The following ADAM17 variants were observed in gnomAD, a reference collection of about 807,000 sequenced individuals.
ADAM17 encodes ADAM metallopeptidase domain 17.
In ADAM17, 39 loss-of-function variants were observed where a neutral mutation model predicts 96.7. That is an observed-to-expected ratio of 0.40 (90% CI 0.31 to 0.53). The LOEUF is 0.53. Ranked by LOEUF, ADAM17 falls within the 20% of genes least tolerant of loss-of-function variation. ADAM17 has a pLI of 0.44. For synonymous variants in ADAM17, 344 were observed against 359.2 expected (o/e 0.96, Z 0.48); for missense variants, 777 against 1,013.2 (o/e 0.77, Z 3.17).
At chr2:9,546,669 C>G (rs1572960767) in intron 1 of ADAM17, among the ~76,000 whole-genome samples, 1 of 151,722 alleles carries the variant, frequency 6.6e-6, no homozygotes, top group East Asian at 1.9e-4. Flanking sequence ...CAGTTAATAC[C>G]AGACACTGCC....
At chr2:9,513,184 G>A (rs879694822) in intron 10 of ADAM17, among the ~76,000 whole-genome samples, 54 of 151,992 alleles carry the variant, frequency 3.6e-4, no homozygotes, top group African/African-American at 1.1e-3. Context: ...TAGTAGAGAC[G>A]AGGTTTCACC....
Position 9,494,695 on chromosome 2 carries a change from T to G in ADAM17, c.1856A>C (p.Gln619Pro), listed in dbSNP as rs1399068872. 4 of 1,614,074 alleles carry G rather than the reference T, an allele frequency of 2.5e-6. No individual in the cohort carries two copies. The highest frequency in any genetic ancestry group is 1.3e-5 in the African/African-American group (1 of 74,934). The change falls in exon 15 of 19, where the codon CAA becomes CCA. Residue 619 changes from glutamine to proline, a missense_variant. Gln to Pro is a moderately conservative substitution (Grantham distance 76). This residue lies in a region of ADAM17 where 446 missense variants were observed against 664.7 expected (regional missense o/e 0.67). Transcript: ENST00000310823. ...GRCVPYVDAE[Q>P]KNLFLRKGKP... ...TCCTTTCCTCAAAAATAAGTTCTTT[T>G]GTTCAGCATCGACATAGGGCACACA...
chr2:9,554,608 A>T (rs533966070), intron 1 of ADAM17, among the ~76,000 whole-genome samples: 1 of 152,350 alleles, frequency 6.6e-6, no homozygotes, highest in East Asian at 1.9e-4. Context: ...CACACTGGGA[A>T]AACATTATTT....
rs143491520 is a variant in ADAM17 at position 9,533,396 on chromosome 2, A to C, written c.450+2438T>G. Among the ~76,000 whole-genome samples, 150 of 151,642 alleles carry C rather than the reference A, an allele frequency of 9.9e-4. 1 individual carries two copies. The East Asian group carries it at 0.026, about 26-fold the overall frequency. On this transcript the variant is annotated intron_variant, in intron 4 of 18. Coordinates refer to ENST00000310823, the MANE Select transcript of ADAM17 (RefSeq NM_003183.6). Reference sequence around the variant, plus strand: ...ACCCTGTCTCTACCAAAAATACAAAAATTAGCTGGGTGTGGTGGTGCGCAC... The same window carrying C: ...ACCCTGTCTCTACCAAAAATACAAACATTAGCTGGGTGTGGTGGTGCGCAC...
intron 11 of ADAM17, among the ~76,000 whole-genome samples, chr2:9,506,254 G>GT (rs1433085987): frequency 1.3e-5 from 2 of 150,904 alleles, no homozygotes. Flanking sequence ...AAAGGTGCCT[G>GT]TAACCACCAA....
intron 2 of ADAM17, among the ~76,000 whole-genome samples, chr2:9,537,716 G>A (rs1408772149): frequency 4.7e-5 from 7 of 150,512 alleles, no homozygotes; most frequent in African/African-American, 1.5e-4. Context: ...CGAGACTCCC[G>A]CTCAAAATAA....
intron 4 of ADAM17, among the ~76,000 whole-genome samples, chr2:9,532,165 A>C (rs1664771190): frequency 6.6e-6 from 1 of 152,236 alleles, no homozygotes; most frequent in Non-Finnish European, 1.5e-5. Flanking sequence ...TTTCCTGCTC[A>C]CTTATATTCC....
intron 10 of ADAM17, 69 bp downstream of exon 10, chr2:9,517,832 A>C: frequency 9.5e-7 from 1 of 1,049,518 alleles, no homozygotes; most frequent in Non-Finnish European, 1.3e-6. Context: ...AAATACCTAC[A>C]TAAATATATA....
intron 3 of ADAM17, 83 bp downstream of exon 3, chr2:9,536,615 A>T: frequency 1.3e-6 from 2 of 1,571,142 alleles, no homozygotes; most frequent in Non-Finnish European, 1.7e-6. Context: ...ACTATCCTGC[A>T]CCAGAAAAGA....
intron 3 of ADAM17, 99 bp from the exon 4 acceptor site, chr2:9,536,021 G>T: frequency 1.4e-6 from 1 of 731,826 alleles, no homozygotes; most frequent in Non-Finnish European, 2.0e-6. Context: ...GGTGGAATTT[G>T]CCTAGTACTG....
Position 9,509,990 on chromosome 2 carries a change from C to A in ADAM17, c.1333G>T (p.Glu445Ter). 6.2e-7 allele frequency: 1 copy of A among 1,613,998 alleles called. No homozygotes were observed. Among genetic ancestry groups the A allele is most frequent in the South Asian group, 1.1e-5 (1 of 91,058 alleles). ...MYPIAVSGDH[E>*]NNKMFSNCSK... ...CGACACACACATACCTTATTGTTCT[C>A]GTGATCGCCACTCACAGCTATGGGA... The change falls in exon 11 of 19, where the codon GAG becomes TAG. Residue 445 changes from glutamate to a stop codon, truncating the protein, a stop_gained. Transcript: ENST00000310823. LOFTEE classifies it high-confidence loss of function.
intron 5 of ADAM17, 45 bp from the exon 6 acceptor site, chr2:9,526,289 CA>C: frequency 6.3e-7 from 1 of 1,582,698 alleles, no homozygotes; most frequent in South Asian, 1.1e-5. Context: ...TTCACCAAAA[CA>C]AGGAGTTTTA....
intron 14 of ADAM17, among the ~76,000 whole-genome samples, chr2:9,495,259 C>T (rs940827654): frequency 4.6e-5 from 7 of 152,232 alleles, no homozygotes; most frequent in Non-Finnish European, 7.3e-5. Flanking sequence ...CAAAGCTCCA[C>T]AACTCCTCCC....
chr2:9,555,360 A>G (rs1372134064), intron 1 of ADAM17, 149 bp downstream of exon 1: 4 of 585,908 alleles, frequency 6.8e-6, no homozygotes, highest in African/African-American at 1.9e-5. Context: ...AAACTCCGAG[A>G]GCCACACCCC....
In ADAM17 at chr2:9,497,142, T is replaced by C. The variant is rs768262672; in HGVS notation, c.1755A>G (p.Glu585=). The change falls in exon 14 of 19, where the codon GAA becomes GAG. Residue 585 remains glutamate, a synonymous_variant. Transcript: ENST00000310823. ...DGKCIPFCER[E]QQLESCACNE... is the part of the protein sequence containing the mutation. ...TACATGCACAGGACTCCAGCTGCTG[T>C]TCCCTCTCGCAGAAAGGGATGCATT... 3.7e-6 allele frequency: 6 copies of C among 1,614,160 alleles called. No individual in the cohort carries two copies. Among genetic ancestry groups the C allele is most frequent in the South Asian group, 1.1e-5 (1 of 91,084 alleles).
At chr2:9,526,295 G>A (rs376875109) in intron 5 of ADAM17, 51 bp from the exon 6 acceptor site, 4 of 1,559,684 alleles carry the variant, frequency 2.6e-6, no homozygotes, top group African/African-American at 2.7e-5. Flanking sequence ...AAAACAAGGA[G>A]TTTTATGGTA....
At chr2:9,552,563 C>T (rs939917380) in intron 1 of ADAM17, among the ~76,000 whole-genome samples, 2 of 152,176 alleles carry the variant, frequency 1.3e-5, no homozygotes, top group African/African-American at 4.8e-5. Flanking sequence ...ATCCCCATGC[C>T]AATAACCTCA....
At chr2:9,512,123 A>G (rs949711063) in intron 10 of ADAM17, among the ~76,000 whole-genome samples, 6 of 152,126 alleles carry the variant, frequency 3.9e-5, no homozygotes, top group Non-Finnish European at 7.3e-5. Context: ...GTCTTTCCAC[A>G]TGTTCATATT....
intron 2 of ADAM17, among the ~76,000 whole-genome samples, chr2:9,538,114 T>C (rs976738008): frequency 1.3e-5 from 2 of 152,150 alleles, no homozygotes; most frequent in Non-Finnish European, 2.9e-5. Context: ...TTCTTTTTGT[T>C]TTCTATGACT....
Sources: allele counts gnomAD v4.1 joint callset (sites outside exome capture counted in the v4.1 genomes callset), GRCh38; gene constraint gnomAD v4.1.1; regional missense constraint gnomAD v4.1.1; transcripts MANE v1.5; gene names NCBI Gene and HGNC (gene_info 2026-07-23, HGNC 2026-07-21).